ATP2B2: variants seen among roughly 807,000 people sequenced by gnomAD.
ATP2B2 encodes plasma membrane calcium-transporting ATPase 2.
A neutral mutation model predicts 120.0 loss-of-function variants in ATP2B2; 15 were observed. The ratio of observed to expected loss-of-function variants is 0.12; its 90% CI spans 0.08 to 0.19. ATP2B2 has a LOEUF of 0.19. Ranked by LOEUF, ATP2B2 falls within the 10% of genes least tolerant of loss-of-function variation. The pLI, the probability that ATP2B2 is intolerant of heterozygous loss-of-function variation, is 1.00. For missense variants in ATP2B2, 1,045 were observed against 1,719.8 expected (o/e 0.61, Z 6.94); for synonymous variants, 694 against 700.3 (o/e 0.99, Z 0.14).
In ATP2B2 at chr3:10,328,847, C is replaced by T. The variant is rs1469255527; in HGVS notation, c.3699G>A (p.Gly1233=). The T allele has an allele frequency of 1.2e-6, 2 of 1,612,934 alleles. No individual in the cohort carries two copies. Among genetic ancestry groups the T allele is most frequent in the South Asian group, 1.1e-5 (1 of 91,062 alleles). The part of the protein sequence containing the change: ...TSKSATSSSP[G]SPIHSLETSL ...ACGTCTCCAGGCTGTGGATGGGGCT[C>T]CCTGGACTTGAAGAGGTAGCTGATT... is the stretch of plus-strand genomic sequence containing the variant. The change falls in exon 23 of 23, where the codon GGG becomes GGA. Residue 1233 remains glycine, a synonymous_variant. Transcript: ENST00000360273.
At chr3:10,473,972 C>T (rs39668) in intron 1 of ATP2B2, among the ~76,000 whole-genome samples, 86,913 of 152,044 alleles carry the variant, frequency 0.57, 25,940 homozygotes, top group African/African-American at 0.62. Context: ...CGTACTTTTC[C>T]CTTTTTCACG....
chr3:10,438,656 C>T (rs779807234), intron 2 of ATP2B2, among the ~76,000 whole-genome samples: 6 of 152,172 alleles, frequency 3.9e-5, no homozygotes, highest in Admixed American at 1.3e-4. Flanking sequence ...GTAAGATAAT[C>T]GTTGTGGGGT....
intron 2 of ATP2B2, among the ~76,000 whole-genome samples, chr3:10,607,115 C>T (rs982616061): frequency 2.0e-5 from 3 of 152,156 alleles, no homozygotes; most frequent in African/African-American, 7.2e-5. Context: ...TCCAACTTCA[C>T]ACAGAGACAA....
At chr3:10,618,187 G>T (rs1369635283) in intron 2 of ATP2B2, among the ~76,000 whole-genome samples, 2 of 152,208 alleles carry the variant, frequency 1.3e-5, no homozygotes, top group Non-Finnish European at 2.9e-5. Context: ...GATGGACTGG[G>T]TTCCAGTCCT....
intron 2 of ATP2B2, among the ~76,000 whole-genome samples, chr3:10,590,277 T>C (rs1168759912): frequency 1.3e-5 from 2 of 152,126 alleles, no homozygotes; most frequent in East Asian, 3.8e-4. Flanking sequence ...GGGAAAAGGG[T>C]TGACCACAAA....
At chr3:10,423,767 C>T (rs1479931130) in intron 2 of ATP2B2, among the ~76,000 whole-genome samples, 1 of 152,198 alleles carries the variant, frequency 6.6e-6, no homozygotes, top group Non-Finnish European at 1.5e-5. Flanking sequence ...CCAGTCTCCA[C>T]CCTGACACTT....
chr3:10,469,943 C>T (rs1187201068), intron 1 of ATP2B2, among the ~76,000 whole-genome samples: 2 of 152,058 alleles, frequency 1.3e-5, no homozygotes, highest in Non-Finnish European at 2.9e-5. Context: ...ACACCAAGCT[C>T]AGATTTCAGG....
chr3:10,526,898 A>G (rs1397348464), intron 3 of ATP2B2, among the ~76,000 whole-genome samples: 2 of 152,174 alleles, frequency 1.3e-5, no homozygotes, highest in Non-Finnish European at 2.9e-5. Context: ...CTAGCTCCCA[A>G]TTTAAGTATA....
At chr3:10,499,307 T>G (rs1052740846) in intron 1 of ATP2B2, among the ~76,000 whole-genome samples, 1 of 152,220 alleles carries the variant, frequency 6.6e-6, no homozygotes, top group East Asian at 1.9e-4. Flanking sequence ...CCAAGCCCTG[T>G]ACTTGGATCC....
At chr3:10,657,401 G>A (rs1473633367) in intron 1 of ATP2B2, among the ~76,000 whole-genome samples, 1 of 152,122 alleles carries the variant, frequency 6.6e-6, no homozygotes, top group South Asian at 2.1e-4. Context: ...CCCTTCCTTT[G>A]CCCTTTTTTG....
At chr3:10,334,623 G>A (rs991225652) in intron 22 of ATP2B2, among the ~76,000 whole-genome samples, 4 of 152,050 alleles carry the variant, frequency 2.6e-5, no homozygotes, top group Non-Finnish European at 5.9e-5. Context: ...TTGGCTCCCC[G>A]GTCCTCCCCA....
At position 10,635,411 on chromosome 3, in the gene ATP2B2, A is replaced by G. The variant is rs1035752451; in HGVS notation, c.-459-15450T>C. Among the ~76,000 whole-genome samples, 2 of 152,104 alleles carry G rather than the reference A, an allele frequency of 1.3e-5. No homozygotes were observed. Among genetic ancestry groups the G allele is most frequent in the Non-Finnish European group, 2.9e-5 (2 of 68,032 alleles). On this transcript the variant is annotated intron_variant, in intron 1 of 21. Coordinates refer to the ATP2B2 transcript ENST00000646379. The surrounding 1 kb of genome is among the most constrained non-coding windows in gnomAD (Gnocchi z 4.3). ...CTCCTGCATTTCCCTTCCCTCCTCC[A>G]GTGACAGACTGAGGACACCAGGCAA...
At chr3:10,437,441 T>C (rs2063512219) in intron 2 of ATP2B2, among the ~76,000 whole-genome samples, 2 of 152,160 alleles carry the variant, frequency 1.3e-5, no homozygotes. Flanking sequence ...CAGCACAACA[T>C]AGCTAGTGGG....
At chr3:10,360,662 A>C (rs1276403937) in intron 12 of ATP2B2, among the ~76,000 whole-genome samples, 2 of 152,224 alleles carry the variant, frequency 1.3e-5, no homozygotes, top group Admixed American at 6.5e-5. Context: ...TATACCCTTC[A>C]TCCAGTTTCC....
At position 10,333,416 on chromosome 3, in the gene ATP2B2, C is replaced by T. The variant is rs73811886; in HGVS notation, c.3421-4291G>A. ...GTCACTTCCTGGCCACCTGTTTAAA[C>T]CTCCCTGTGGGAGGAAAGCACACTG... On this transcript the variant is annotated intron_variant, in intron 22 of 22. Transcript: ENST00000360273. Among the ~76,000 whole-genome samples, 1,054 of 152,228 alleles carry T rather than the reference C, an allele frequency of 6.9e-3. 10 individuals are homozygous for T. The highest frequency in any genetic ancestry group is 0.025 in the African/African-American group (1,022 of 41,544).
intron 2 of ATP2B2, among the ~76,000 whole-genome samples, chr3:10,549,518 G>A (rs1041418016): frequency 1.3e-5 from 2 of 152,220 alleles, no homozygotes; most frequent in Non-Finnish European, 2.9e-5. Context: ...CGACACTGGT[G>A]CTGAACATTG....
chr3:10,490,688 C>T (rs585883), intron 1 of ATP2B2, among the ~76,000 whole-genome samples: 11,445 of 152,120 alleles, frequency 0.075, 528 homozygotes, highest in South Asian at 0.14. Context: ...TGTGAGCCAC[C>T]GCGCCCAGCA....
intron 1 of ATP2B2, among the ~76,000 whole-genome samples, chr3:10,701,643 A>G: frequency 6.6e-6 from 1 of 150,970 alleles, no homozygotes; most frequent in Non-Finnish European, 1.5e-5. Context: ...GACAAGACCC[A>G]TCATTTCTTT....
At chr3:10,384,964 C>G (rs2061631303) in intron 8 of ATP2B2, among the ~76,000 whole-genome samples, 2 of 152,244 alleles carry the variant, frequency 1.3e-5, no homozygotes, top group Non-Finnish European at 2.9e-5. Flanking sequence ...AGGTGGGACG[C>G]TCCTTCTTGG....
Sources: allele counts gnomAD v4.1 joint callset (sites outside exome capture counted in the v4.1 genomes callset), GRCh38; gene constraint gnomAD v4.1.1; non-coding constraint Gnocchi (gnomAD v3.1); transcripts MANE v1.5; gene names NCBI Gene and HGNC (gene_info 2026-07-23, HGNC 2026-07-21).